Variants in PPM1L observed in about 807,000 individuals in gnomAD.
PPM1L encodes the protein protein phosphatase, Mg2+/Mn2+ dependent 1L, also known as protein phosphatase 1L.
A neutral mutation model predicts 31.4 loss-of-function variants in PPM1L; 13 were observed. That is an observed-to-expected ratio of 0.41 (90% CI 0.27 to 0.66). PPM1L has a LOEUF of 0.66. Among genes scored for constraint, PPM1L ranks in the 30% least tolerant of loss-of-function variants. The pLI, the probability that PPM1L is intolerant of heterozygous loss-of-function variation, is 0.29. For synonymous variants in PPM1L, 184 were observed against 175.4 expected (o/e 1.05, Z -0.39); for missense variants, 326 against 453.7 (o/e 0.72, Z 2.56).
intron 1 of PPM1L, among the ~76,000 whole-genome samples, chr3:160,873,047 A>G (rs1712371757): frequency 6.6e-6 from 1 of 152,210 alleles, no homozygotes; most frequent in African/African-American, 2.4e-5. Context: ...TTATCCTAGT[A>G]TGTAGGTAAT....
intron 2 of PPM1L, among the ~76,000 whole-genome samples, chr3:161,000,764 A>T (rs1717455394): frequency 6.6e-6 from 1 of 152,220 alleles, no homozygotes; most frequent in Admixed American, 6.5e-5. Context: ...TCCTGAGTTC[A>T]CTGGAATCAT....
chr3:160,999,777 T>C (rs114531245), intron 2 of PPM1L, among the ~76,000 whole-genome samples: 16 of 152,366 alleles, frequency 1.1e-4, no homozygotes, highest in Non-Finnish European at 1.8e-4. Context: ...GTCATTTTAC[T>C]GTATTCAGAA....
intron 1 of PPM1L, among the ~76,000 whole-genome samples, chr3:160,807,943 G>A (rs947438004): frequency 2.6e-5 from 4 of 152,072 alleles, no homozygotes; most frequent in Non-Finnish European, 5.9e-5. Context: ...AAGACTATGA[G>A]ATGATAATAT....
chr3:161,023,786 G>A (rs541308570), intron 2 of PPM1L, among the ~76,000 whole-genome samples: 39 of 152,218 alleles, frequency 2.6e-4, no homozygotes, highest in Non-Finnish European at 2.2e-4. Context: ...TGTATGGGCC[G>A]TACTTTCCTG....
intron 2 of PPM1L, among the ~76,000 whole-genome samples, chr3:161,019,019 C>G (rs1277374590): frequency 6.6e-6 from 1 of 152,174 alleles, no homozygotes; most frequent in African/African-American, 2.4e-5. Context: ...TGAATAACTT[C>G]TATCTATATT....
At chr3:160,776,237 A>G (rs1217063847) in intron 1 of PPM1L, among the ~76,000 whole-genome samples, 1 of 152,200 alleles carries the variant, frequency 6.6e-6, no homozygotes, top group African/African-American at 2.4e-5. Flanking sequence ...TGAAAATTAG[A>G]GTAACTGAGT....
intron 2 of PPM1L, among the ~76,000 whole-genome samples, chr3:160,973,790 T>TTTTTTTTC (rs1716445393): frequency 7.0e-6 from 1 of 142,820 alleles, no homozygotes; most frequent in Non-Finnish European, 1.5e-5. Context: ...TTTTTTTTTT[T>TTTTTTTTC]TTTAACCAAG....
chr3:160,756,232 TC>T lies in PPM1L; in HGVS notation c.-73del, dbSNP rs1056514596. The T allele has an allele frequency of 4.5e-5, 67 of 1,503,602 alleles. No homozygotes were observed. The highest frequency in any genetic ancestry group is 2.3e-4 in the Middle Eastern group (1 of 4,436). 93.1% of individuals were successfully genotyped at this position (1,503,602 alleles called of 1,614,324 possible). ...GCTCCGCCTCCCTCCCGGCGGGCTG[TC>T]CCCGCAGTGCTCCCGGACCCGGCGA... On this transcript the variant is annotated 5_prime_UTR_variant, in exon 1 of 4. Coordinates refer to ENST00000498165, the MANE Select transcript of PPM1L (RefSeq NM_139245.4). This position sits in a 1 kb window ranked among gnomAD's most constrained non-coding sequence, Gnocchi z 6.2.
At chr3:160,920,615 T>TCTCTCACACA (rs1389629070) in intron 1 of PPM1L, among the ~76,000 whole-genome samples, 1 of 28,662 alleles carries the variant, frequency 3.5e-5, no homozygotes, top group African/African-American at 1.0e-4. Context: ...TCTCTCTCTC[T>TCTCTCACACA]CACACACACA....
intron 1 of PPM1L, among the ~76,000 whole-genome samples, chr3:160,761,980 C>G (rs772924010): frequency 1.3e-5 from 2 of 152,282 alleles, no homozygotes; most frequent in Middle Eastern, 3.4e-3. Context: ...TTTGTGAATT[C>G]AAGATGAGAT....
chr3:160,960,352 T>A (rs1053865116), intron 1 of PPM1L, among the ~76,000 whole-genome samples: 3 of 152,146 alleles, frequency 2.0e-5, no homozygotes, highest in African/African-American at 4.8e-5. Flanking sequence ...ATTTATAATT[T>A]AGTTATGTTG....
Position 160,860,990 on chromosome 3 carries a change from A to G in PPM1L, c.400-100746A>G, listed in dbSNP as rs904724807. 3.3e-5 allele frequency among the ~76,000 whole-genome samples: 5 copies of G among 152,318 alleles called. 1 individual carries two copies. The highest frequency in any genetic ancestry group is 1.9e-4 in the East Asian group (1 of 5,186). On this transcript the variant is annotated intron_variant, in intron 1 of 3. Transcript: ENST00000498165. ...ATATGAATTTTGGGGGAACACAAGCATTTAGTTCATAACAGATCCTTAAGA... is the reference window on the plus strand; with the variant it reads ...ATATGAATTTTGGGGGAACACAAGCGTTTAGTTCATAACAGATCCTTAAGA...
intron 1 of PPM1L, among the ~76,000 whole-genome samples, chr3:160,862,705 A>C (rs1975567): frequency 0.061 from 5,105 of 83,868 alleles, 296 homozygotes; most frequent in African/African-American, 0.19. Flanking sequence ...CACACACACA[A>C]AATTCTGAAA....
intron 1 of PPM1L, among the ~76,000 whole-genome samples, chr3:160,951,714 T>TCTG (rs1715582173): frequency 6.6e-6 from 1 of 152,206 alleles, no homozygotes; most frequent in Non-Finnish European, 1.5e-5. Flanking sequence ...GTTCGTCACA[T>TCTG]TAGGAATTCC....
At chr3:161,008,653 TTTCTAA>T (rs1717791082) in intron 2 of PPM1L, among the ~76,000 whole-genome samples, 1 of 152,144 alleles carries the variant, frequency 6.6e-6, no homozygotes, top group African/African-American at 2.4e-5. Flanking sequence ...CTGGTGGAGA[TTTCTAA>T]TAGATTGGAT....
At chr3:160,890,181 A>G (rs1271598830) in intron 1 of PPM1L, among the ~76,000 whole-genome samples, 1 of 152,222 alleles carries the variant, frequency 6.6e-6, no homozygotes. Flanking sequence ...AAGGGTATTC[A>G]CATAGGAAGA....
intron 1 of PPM1L, among the ~76,000 whole-genome samples, chr3:160,887,572 ACTTTTTTTTTTTT>A (rs1437244284): frequency 3.8e-4 from 16 of 42,254 alleles, no homozygotes; most frequent in Non-Finnish European, 6.8e-4. Context: ...CTAATATTCA[ACTTTTTTTTTTTT>A]CTTTTTTTTT....
chr3:160,922,171 G>A (rs910638963), intron 1 of PPM1L, among the ~76,000 whole-genome samples: 6 of 152,172 alleles, frequency 3.9e-5, no homozygotes, highest in East Asian at 3.9e-4. Flanking sequence ...TTAGCCGGGC[G>A]TGGTGGCAGG....
At chr3:160,832,294 AGAT>A (rs1266682244) in intron 1 of PPM1L, among the ~76,000 whole-genome samples, 4 of 152,094 alleles carry the variant, frequency 2.6e-5, no homozygotes, top group African/African-American at 9.7e-5. Context: ...GGCTTCTCAG[AGAT>A]GTCATTTAGC....
Sources: gnomAD v4.1 joint callset for allele counts (sites outside exome capture counted in the v4.1 genomes callset) on GRCh38, gnomAD v4.1.1 for gene constraint, Gnocchi (gnomAD v3.1) non-coding constraint, MANE v1.5 for transcripts, NCBI Gene and HGNC (gene_info 2026-07-23, HGNC 2026-07-21) for gene names.